Variants in ATP2C1 observed in about 807,000 individuals in gnomAD.
ATP2C1 encodes the protein ATPase secretory pathway Ca2+ transporting 1, also known as calcium-transporting ATPase type 2C member 1.
Under a neutral mutation model 120.5 loss-of-function variants are expected in ATP2C1, and 31 were observed. The ratio of observed to expected loss-of-function variants is 0.26; its 90% CI spans 0.19 to 0.35. The LOEUF (loss-of-function observed/expected upper bound fraction) is 0.35, where lower values mean the gene tolerates loss of function less well. Among genes scored for constraint, ATP2C1 ranks in the 10% least tolerant of loss-of-function variants. The pLI is 1.00. For synonymous variants in ATP2C1, 351 were observed against 358.7 expected, an observed-to-expected ratio of 0.98 and a Z score of 0.24; for missense variants, 731 against 1,107.5, an observed-to-expected ratio of 0.66 and a Z score of 4.83.
intron 1 of ATP2C1, among the ~76,000 whole-genome samples, chr3:130,871,524 C>G (rs932825390): frequency 2.6e-5 from 4 of 152,204 alleles, no homozygotes; most frequent in South Asian, 2.1e-4. Flanking sequence ...ACCACTGTTG[C>G]AGATCATTTG....
At position 131,002,750 on chromosome 3, in the gene ATP2C1, C is replaced by T; in HGVS notation, c.*1400C>T. The T allele has an allele frequency of 2.0e-6, 2 of 985,340 alleles. No homozygotes were observed. The highest frequency in any genetic ancestry group is 2.4e-6 in the Non-Finnish European group (2 of 829,842). The allele number at this position is 985,340 out of a possible 1,614,324, so 61.0% of individuals were successfully genotyped here. On this transcript the variant is annotated 3_prime_UTR_variant, in exon 28 of 28. Coordinates refer to ENST00000510168, the MANE Select transcript of ATP2C1 (RefSeq NM_001378687.1). ...GGATGAACCACTCCTTAGCTTTTAT[C>T]CAATATTAAACTGCAAGTGTTAGCA...
In ATP2C1 at chr3:131,002,459, G is replaced by GTATAT; in HGVS notation, c.*1110_*1114dup. On this transcript the variant is annotated 3_prime_UTR_variant, in exon 28 of 28. Transcript: ENST00000510168. ...GGCCTAGATTTTAGCACAAACCTGA[G>GTATAT]TATATCTCTTCTACTTTCATCATGT... The GTATAT allele has an allele frequency of 1.0e-6, 1 of 985,352 alleles. No homozygotes were observed. Among genetic ancestry groups the GTATAT allele is most frequent in the Non-Finnish European group, 1.2e-6 (1 of 829,914 alleles). 61.0% of individuals were successfully genotyped at this position (985,352 alleles called of 1,614,324 possible). A position where few individuals can be genotyped will look rare whatever the true frequency, so the allele number is the denominator to read the frequency against.
At chr3:130,863,833 G>A (rs751792896) in intron 1 of ATP2C1, among the ~76,000 whole-genome samples, 5 of 152,242 alleles carry the variant, frequency 3.3e-5, no homozygotes, top group East Asian at 1.9e-4. Context: ...TTTGCCTTCC[G>A]CCATGATTCC....
At chr3:130,953,115 ATATATG>A (rs2060435975) in intron 8 of ATP2C1, among the ~76,000 whole-genome samples, 3 of 151,384 alleles carry the variant, frequency 2.0e-5, no homozygotes, top group Non-Finnish European at 4.4e-5. Context: ...GTATGTATGT[ATATATG>A]TATGTATGTG....
chr3:130,964,402 A>G (rs2060961757), intron 13 of ATP2C1, among the ~76,000 whole-genome samples: 1 of 152,104 alleles, frequency 6.6e-6, no homozygotes, highest in Non-Finnish European at 1.5e-5. Flanking sequence ...ATGTCAAAGA[A>G]GATAATGTAT....
intron 2 of ATP2C1, among the ~76,000 whole-genome samples, chr3:130,912,689 G>A (rs2058489391): frequency 7.0e-6 from 1 of 143,190 alleles, no homozygotes; most frequent in Admixed American, 7.0e-5. Context: ...GTGGAAGTCA[G>A]TGTGGCGATT....
intron 20 of ATP2C1, among the ~76,000 whole-genome samples, chr3:130,990,620 C>T (rs1197117836): frequency 1.3e-5 from 2 of 152,118 alleles, no homozygotes; most frequent in East Asian, 1.9e-4. Flanking sequence ...AGAAGAGACA[C>T]GCGATCTCAC....
intron 18 of ATP2C1, among the ~76,000 whole-genome samples, chr3:130,975,892 C>T (rs899460069): frequency 1.3e-5 from 2 of 152,184 alleles, no homozygotes; most frequent in African/African-American, 4.8e-5. Flanking sequence ...CTAACTTGAT[C>T]TGTTACTGTT....
At chr3:130,938,412 T>C (rs2059759417) in intron 6 of ATP2C1, among the ~76,000 whole-genome samples, 1 of 152,232 alleles carries the variant, frequency 6.6e-6, no homozygotes, top group Admixed American at 6.5e-5. Context: ...CTGAAGCCTA[T>C]ACTTTGAATA....
chr3:130,871,360 T>G (rs2068422872), intron 1 of ATP2C1, among the ~76,000 whole-genome samples: 1 of 152,244 alleles, frequency 6.6e-6, no homozygotes, highest in African/African-American at 2.4e-5. Context: ...TAAACAGTGC[T>G]GAAACTTTAG....
Position 131,002,435 on chromosome 3 carries a change from G to A in ATP2C1, c.*1085G>A. On this transcript the variant is annotated 3_prime_UTR_variant, in exon 28 of 28. Coordinates refer to ENST00000510168, the MANE Select transcript of ATP2C1 (RefSeq NM_001378687.1). ...TCTGTGTGCATCTGAAGCTTCTTTG[G>A]CCTAGATTTTAGCACAAACCTGAGT... 2.0e-6 allele frequency: 2 copies of A among 985,292 alleles called. No homozygotes were observed. The highest frequency in any genetic ancestry group is 2.4e-6 in the Non-Finnish European group (2 of 829,886). The allele number at this position is 985,292 out of a possible 1,614,324, so 61.0% of individuals were successfully genotyped here.
At chr3:130,953,190 G>C (rs1033559102) in intron 8 of ATP2C1, among the ~76,000 whole-genome samples, 4 of 151,574 alleles carry the variant, frequency 2.6e-5, no homozygotes, top group African/African-American at 9.7e-5. Context: ...TGCTTGGGTA[G>C]GTAAATACTG....
At chr3:131,009,113 A>T (rs1410498355) in intron 26 of ATP2C1, among the ~76,000 whole-genome samples, 1 of 152,220 alleles carries the variant, frequency 6.6e-6, no homozygotes, top group East Asian at 1.9e-4. Context: ...TTTCCCTCCT[A>T]TTGGTTGTAC....
At chr3:131,016,645 A>C in exon 27 of ATP2C1, 1 of 379,630 alleles carries the variant, frequency 2.6e-6, no homozygotes, top group East Asian at 5.9e-5. Flanking sequence ...TAAACCCTAA[A>C]TCTGTGTCTA....
At chr3:130,880,888 A>G (rs937578959) in intron 1 of ATP2C1, among the ~76,000 whole-genome samples, 3 of 152,144 alleles carry the variant, frequency 2.0e-5, no homozygotes, top group African/African-American at 7.2e-5. Flanking sequence ...ATTTATTTGC[A>G]CAATAGGAAG....
At chr3:130,990,635 G>T (rs1312044106) in intron 20 of ATP2C1, among the ~76,000 whole-genome samples, 3 of 152,184 alleles carry the variant, frequency 2.0e-5, no homozygotes, top group African/African-American at 7.2e-5. Flanking sequence ...TCTCACTTCT[G>T]TTTTAACAGT....
chr3:131,016,090 C>G, intron 26 of ATP2C1: 1 of 1,539,658 alleles, frequency 6.5e-7, no homozygotes, highest in East Asian at 2.3e-5. Flanking sequence ...AGTGAAAATA[C>G]TGTATTTACT....
intron 26 of ATP2C1, 44 bp from the exon 27 acceptor site, chr3:130,999,474 C>G (rs769022475): frequency 5.0e-6 from 8 of 1,607,862 alleles, no homozygotes; most frequent in Non-Finnish European, 6.0e-6. Flanking sequence ...GAAGTTATTT[C>G]TGTGACCAAG....
Position 131,002,438 on chromosome 3 carries a change from T to C in ATP2C1, c.*1088T>C. On this transcript the variant is annotated 3_prime_UTR_variant, in exon 28 of 28. Coordinates refer to ENST00000510168, the MANE Select transcript of ATP2C1 (RefSeq NM_001378687.1). ...GTGTGCATCTGAAGCTTCTTTGGCC[T>C]AGATTTTAGCACAAACCTGAGTATA... 1 of 985,418 alleles carries C rather than the reference T, an allele frequency of 1.0e-6. No individual in the cohort carries two copies. The highest frequency in any genetic ancestry group is 1.2e-6 in the Non-Finnish European group (1 of 829,914). 61.0% of individuals were successfully genotyped at this position (985,418 alleles called of 1,614,324 possible). A position where few individuals can be genotyped will look rare whatever the true frequency, so the allele number is the denominator to read the frequency against.
Sources: gnomAD v4.1 joint callset for allele counts (sites outside exome capture counted in the v4.1 genomes callset) on GRCh38, gnomAD v4.1.1 for gene constraint, MANE v1.5 for transcripts, NCBI Gene and HGNC (gene_info 2026-07-23, HGNC 2026-07-21) for gene names.